The following PLPPR2 variants were observed in gnomAD, a reference collection of about 807,000 sequenced individuals.
PLPPR2 encodes the protein phospholipid phosphatase related 2.
Under a neutral mutation model 40.3 loss-of-function variants are expected in PLPPR2, and 11 were observed. The ratio of observed to expected loss-of-function variants is 0.27; its 90% CI spans 0.17 to 0.45. The LOEUF (loss-of-function observed/expected upper bound fraction) is 0.45, where lower values mean the gene tolerates loss of function less well. Ranked by LOEUF, PLPPR2 falls within the 20% of genes least tolerant of loss-of-function variation. The probability of loss-of-function intolerance (pLI) is 1.00; values close to 1 mark genes in which losing one functional copy is unlikely to be tolerated. For synonymous variants in PLPPR2, 260 were observed against 290.8 expected (o/e 0.89, Z 1.08); for missense variants, 497 against 640.7 (o/e 0.78, Z 2.42).
chr19:11,364,284 C>T lies in PLPPR2; in HGVS notation c.1016-63C>T. 6.5e-7 allele frequency: 1 copy of T among 1,548,904 alleles called. No individual in the cohort carries two copies. Among genetic ancestry groups the T allele is most frequent in the Non-Finnish European group, 8.7e-7 (1 of 1,147,530 alleles). On this transcript the variant is annotated intron_variant, in intron 9 of 9. Transcript: ENST00000688289. This position sits in a 1 kb window ranked among gnomAD's most constrained non-coding sequence, Gnocchi z 5.8. ...GGCAGCCACTGCCCCAGAGGTCTCACCTAGGCCTTTATGCTGCCTCCCGAG... is the reference window on the plus strand; with the variant it reads ...GGCAGCCACTGCCCCAGAGGTCTCATCTAGGCCTTTATGCTGCCTCCCGAG...
At position 11,363,561 on chromosome 19, in the gene PLPPR2, A is replaced by G. The variant is rs772815870; in HGVS notation, c.841-152A>G. 10 of 853,250 alleles carry G rather than the reference A, an allele frequency of 1.2e-5. No individual in the cohort carries two copies. The highest frequency in any genetic ancestry group is 3.4e-5 in the Admixed American group (1 of 29,414). The allele number at this position is 853,250 out of a possible 1,614,324, so 52.9% of individuals were successfully genotyped here. On this transcript the variant is annotated intron_variant, in intron 7 of 9. Transcript: ENST00000688289. This position sits in a 1 kb window ranked among gnomAD's most constrained non-coding sequence, Gnocchi z 4.8. ...ATAATAATTGCACCTACCTCAGTAA[A>G]ATGGAACCAACAGTGCCTGGCACAT... is the stretch of plus-strand genomic sequence containing the variant.
intron 3 of PLPPR2, among the ~76,000 whole-genome samples, chr19:11,358,056 T>C (rs60371707): frequency 2.9e-4 from 4 of 13,778 alleles, no homozygotes; most frequent in Non-Finnish European, 4.4e-4. Context: ...TGTGTGTGTG[T>C]GTGTGTACGT....
rs1255969886 is a variant in PLPPR2, at chr19:11,364,919, A to G, written c.*229A>G. 1.7e-6 allele frequency: 1 copy of G among 588,196 alleles called. No individual in the cohort carries two copies. Among genetic ancestry groups the G allele is most frequent in the African/African-American group, 1.9e-5 (1 of 52,378 alleles). 36.4% of individuals were successfully genotyped at this position (588,196 alleles called of 1,614,324 possible). A position where few individuals can be genotyped will look rare whatever the true frequency, so the allele number is the denominator to read the frequency against. On this transcript the variant is annotated 3_prime_UTR_variant, in exon 10 of 10. Coordinates refer to ENST00000688289, the MANE Select transcript of PLPPR2 (RefSeq NM_001393892.1). The surrounding 1 kb of genome is among the most constrained non-coding windows in gnomAD (Gnocchi z 5.8). The stretch of plus-strand genomic sequence containing the variant: ...CACTTGCCCCTACTATTGCCCTTTT[A>G]AGGGCCAAAGCTTGACCCCATTGGC...
rs760861686 is a variant in PLPPR2 at position 11,365,670 on chromosome 19, T to C, written c.*980T>C. 1.3e-5 allele frequency: 2 copies of C among 152,208 alleles called. No individual in the cohort carries two copies. The highest frequency in any genetic ancestry group is 2.9e-5 in the Non-Finnish European group (2 of 68,044). 9.4% of individuals were successfully genotyped at this position (152,208 alleles called of 1,614,324 possible). A position where few individuals can be genotyped will look rare whatever the true frequency, so the allele number is the denominator to read the frequency against. On this transcript the variant is annotated 3_prime_UTR_variant, in exon 10 of 10. Transcript: ENST00000688289. ...TCTTTAATAAAGACCTGGCTTCTCATCTTTAATAAAGACCTGTTTGTAACA... is the reference window on the plus strand; with the variant it reads ...TCTTTAATAAAGACCTGGCTTCTCACCTTTAATAAAGACCTGTTTGTAACA...
intron 1 of PLPPR2, among the ~76,000 whole-genome samples, chr19:11,356,250 G>T (rs900037484): frequency 6.6e-6 from 1 of 151,748 alleles, no homozygotes; most frequent in Admixed American, 6.6e-5. Context: ...TGTGTGTGTG[G>T]CTGTCGCTGA....
At position 11,362,327 on chromosome 19, in the gene PLPPR2, C is replaced by G. The variant is rs113621308; in HGVS notation, c.664-186C>G. 5.3e-3 allele frequency: 3,067 copies of G among 578,702 alleles called. 107 individuals are homozygous for G. The highest frequency in any genetic ancestry group is 0.052 in the African/African-American group (2,763 of 53,414). The allele number at this position is 578,702 out of a possible 1,614,324, so 35.8% of individuals were successfully genotyped here. On this transcript the variant is annotated intron_variant, in intron 6 of 9. Transcript: ENST00000688289. The surrounding 1 kb of genome is among the most constrained non-coding windows in gnomAD (Gnocchi z 5.3). ...CAAGACCTCAATCCCTGACCCCCCC[C>G]CCTTTGCCTTTTTGGTCACGCTCCC...
chr19:11,360,056 G>T (rs1968002057), intron 5 of PLPPR2, 100 bp downstream of exon 5: 1 of 1,430,354 alleles, frequency 7.0e-7, no homozygotes, highest in Non-Finnish European at 9.2e-7. Context: ...TTCCAGGCTG[G>T]GTGTGGTGGC....
Position 11,361,205 on chromosome 19 carries a change from TC to T in PLPPR2, c.392-9del. ...CCTGGCGCATGAACCCCTTCCACTA[TC>T]CCACCCCTAGGGGTCTACTCCTTCG... On this transcript the variant is annotated splice_polypyrimidine_tract_variant and intron_variant, in intron 5 of 9. Coordinates refer to ENST00000688289, the MANE Select transcript of PLPPR2 (RefSeq NM_001393892.1). This position sits in a 1 kb window ranked among gnomAD's most constrained non-coding sequence, Gnocchi z 6.3. 6.3e-7 allele frequency: 1 copy of T among 1,595,046 alleles called. No homozygotes were observed.
rs943825888 is a variant in PLPPR2 at position 11,363,217 on chromosome 19, G to A, written c.841-496G>A. On this transcript the variant is annotated intron_variant, in intron 7 of 9. Transcript: ENST00000688289. The surrounding 1 kb of genome is among the most constrained non-coding windows in gnomAD (Gnocchi z 4.8). Reference sequence around the variant, plus strand: ...AATCGCTTGAACCCGGGGGACGGAGGTTGCAGTGAACTGAGATCGTGCCAC... The same window carrying A: ...AATCGCTTGAACCCGGGGGACGGAGATTGCAGTGAACTGAGATCGTGCCAC... Among the ~76,000 whole-genome samples the A allele has an allele frequency of 2.6e-5, 4 of 151,178 alleles. No homozygotes were observed. Among genetic ancestry groups the A allele is most frequent in the African/African-American group, 9.7e-5 (4 of 41,098 alleles).
In PLPPR2 at chr19:11,362,164, C is replaced by T. The variant is rs1479845326; in HGVS notation, c.664-349C>T. 6.6e-6 allele frequency among the ~76,000 whole-genome samples: 1 copy of T among 152,318 alleles called. No individual in the cohort carries two copies. Among genetic ancestry groups the T allele is most frequent in the African/African-American group, 2.4e-5 (1 of 41,564 alleles). On this transcript the variant is annotated intron_variant, in intron 6 of 9. Transcript: ENST00000688289. The surrounding 1 kb of genome is among the most constrained non-coding windows in gnomAD (Gnocchi z 5.3). ...TTCGCCCTGACTCCACCCTCTGGTT[C>T]TGTGGCCACGCCCTAATCCAGTAAG...
In PLPPR2 at chr19:11,363,144, A is replaced by C. The variant is rs769760262; in HGVS notation, c.840+455A>C. 5.9e-5 allele frequency among the ~76,000 whole-genome samples: 9 copies of C among 152,200 alleles called. No individual in the cohort carries two copies. The highest frequency in any genetic ancestry group is 1.3e-4 in the Admixed American group (2 of 15,274). ...CCCTGTCCCTGCTAAAAATACAAAA[A>C]TTAGCCAGGCATAGTAGTCCCAGCT... On this transcript the variant is annotated intron_variant, in intron 7 of 9. Coordinates refer to ENST00000688289, the MANE Select transcript of PLPPR2 (RefSeq NM_001393892.1). The surrounding 1 kb of genome is among the most constrained non-coding windows in gnomAD (Gnocchi z 4.8).
In PLPPR2 at chr19:11,364,563, G is replaced by A; in HGVS notation, c.1232G>A (p.Gly411Asp). The A allele has an allele frequency of 6.5e-7, 1 of 1,536,918 alleles. No homozygotes were observed. Among genetic ancestry groups the A allele is most frequent in the Non-Finnish European group, 8.7e-7 (1 of 1,146,756 alleles). Residue 411 changes from glycine to aspartate, a missense_variant, in exon 10 of 10, where the codon GGC (glycine) becomes GAC (aspartate). Transcript: ENST00000688289. This position sits in a 1 kb window ranked among gnomAD's most constrained non-coding sequence, Gnocchi z 5.8. Reference sequence around the variant, plus strand: ...GGGCCAGGCGGGGGTGGTGGACGTGGCCGGAAGCTGCTGCTGCCCACGCCC... The same window carrying A: ...GGGCCAGGCGGGGGTGGTGGACGTGACCGGAAGCTGCTGCTGCCCACGCCC... ...PGGPGGGGGR[G>D]RKLLLPTPLL...
chr19:11,360,744 C>T (rs1052995403), intron 5 of PLPPR2, among the ~76,000 whole-genome samples: 2 of 152,028 alleles, frequency 1.3e-5, no homozygotes, highest in Non-Finnish European at 2.9e-5. Context: ...GAGGGGCAGA[C>T]CTTACCTATA....
At chr19:11,358,389 T>G (rs1278547204) in intron 3 of PLPPR2, among the ~76,000 whole-genome samples, 1 of 152,026 alleles carries the variant, frequency 6.6e-6, no homozygotes, top group African/African-American at 2.4e-5. Flanking sequence ...AATATATTAA[T>G]TCATGGACAA....
chr19:11,360,659 C>G (rs1870168694), intron 5 of PLPPR2, among the ~76,000 whole-genome samples: 2 of 152,034 alleles, frequency 1.3e-5, no homozygotes, highest in African/African-American at 2.4e-5. Flanking sequence ...GACAAACACC[C>G]TGGGGCCCCT....
chr19:11,364,749 T>C lies in PLPPR2; in HGVS notation c.*59T>C. ...CCACTTCTTCCCTGCCACGCGTGTG[T>C]GTGCGTGTGCCACGTGAGTGCCAAA... is the stretch of plus-strand genomic sequence containing the variant. On this transcript the variant is annotated 3_prime_UTR_variant, in exon 10 of 10. Transcript: ENST00000688289. This position sits in a 1 kb window ranked among gnomAD's most constrained non-coding sequence, Gnocchi z 5.8. 6.6e-7 allele frequency: 1 copy of C among 1,526,076 alleles called. No individual in the cohort carries two copies. The highest frequency in any genetic ancestry group is 8.8e-7 in the Non-Finnish European group (1 of 1,138,776). 94.5% of individuals were successfully genotyped at this position (1,526,076 alleles called of 1,614,324 possible). A position where few individuals can be genotyped will look rare whatever the true frequency, so the allele number is the denominator to read the frequency against.
chr19:11,361,623 G>A lies in PLPPR2; in HGVS notation c.663+135G>A, dbSNP rs2144674981. On this transcript the variant is annotated intron_variant, in intron 6 of 9. Transcript: ENST00000688289. This position sits in a 1 kb window ranked among gnomAD's most constrained non-coding sequence, Gnocchi z 6.3. ...GTTGGAAGCTCTCGCTCCACGCCCC[G>A]ACCTGTTGGAAGCTCTCCCTCCTCC... 2 of 1,251,202 alleles carry A rather than the reference G, an allele frequency of 1.6e-6. No individual in the cohort carries two copies. The highest frequency in any genetic ancestry group is 2.2e-6 in the Non-Finnish European group (2 of 928,040). The allele number at this position is 1,251,202 out of a possible 1,614,324, so 77.5% of individuals were successfully genotyped here. A position where few individuals can be genotyped will look rare whatever the true frequency, so the allele number is the denominator to read the frequency against.
chr19:11,360,045 A>C, intron 5 of PLPPR2, 89 bp downstream of exon 5: 2 of 1,453,870 alleles, frequency 1.4e-6, no homozygotes, highest in Non-Finnish European at 1.8e-6. Flanking sequence ...AGTCATAATA[A>C]TTCCAGGCTG....
Position 11,362,409 on chromosome 19 carries a change from C to T in PLPPR2, c.664-104C>T, listed in dbSNP as rs574584998. On this transcript the variant is annotated intron_variant, in intron 6 of 9. Coordinates refer to ENST00000688289, the MANE Select transcript of PLPPR2 (RefSeq NM_001393892.1). The surrounding 1 kb of genome is among the most constrained non-coding windows in gnomAD (Gnocchi z 5.3). ...ACCCTGGAGCCCCTGGCCACTCCCT[C>T]CAGCCCCAACGCTCTGGCCATGCGC... 1.4e-6 allele frequency: 2 copies of T among 1,433,774 alleles called. No individual in the cohort carries two copies. The highest frequency in any genetic ancestry group is 2.4e-5 in the South Asian group (2 of 83,282). The allele number at this position is 1,433,774 out of a possible 1,614,324, so 88.8% of individuals were successfully genotyped here.
Sources: gnomAD v4.1 joint callset for allele counts (sites outside exome capture counted in the v4.1 genomes callset) on GRCh38, gnomAD v4.1.1 for gene constraint, Gnocchi (gnomAD v3.1) non-coding constraint, MANE v1.5 for transcripts, NCBI Gene and HGNC (gene_info 2026-07-23, HGNC 2026-07-21) for gene names.